WIPF2: variants seen among roughly 807,000 people sequenced by gnomAD.
The protein encoded by WIPF2 is WAS/WASL interacting protein family member 2.
WIPF2 carries 23 observed loss-of-function variants against 38.8 expected under a neutral mutation model. The observed-to-expected ratio is 0.59, with a 90% CI of 0.43 to 0.84. The LOEUF (loss-of-function observed/expected upper bound fraction) is 0.84, where lower values mean the gene tolerates loss of function less well. WIPF2 is among the 40% of genes least tolerant of loss of function. The pLI is 0.00. For missense variants in WIPF2, 574 were observed against 580.5 expected, an observed-to-expected ratio of 0.99 and a Z score of 0.11; for synonymous variants, 210 against 223.2, an observed-to-expected ratio of 0.94 and a Z score of 0.53.
At chr17:40,273,495 T>C (rs2032302462) in intron 5 of WIPF2, 1 of 380,882 alleles carries the variant, frequency 2.6e-6, no homozygotes, top group Non-Finnish European at 4.7e-6. Flanking sequence ...GAGAACAGGC[T>C]AAATATAAGG....
intron 1 of WIPF2, among the ~76,000 whole-genome samples, chr17:40,240,841 A>G (rs536761868): frequency 9.3e-5 from 14 of 151,034 alleles, no homozygotes; most frequent in South Asian, 2.1e-4. Context: ...GCTACTCGGG[A>G]GGCTGAGGCA....
At chr17:40,232,220 C>G (rs750674772) in intron 1 of WIPF2, among the ~76,000 whole-genome samples, 24 of 117,716 alleles carry the variant, frequency 2.0e-4, no homozygotes, top group Non-Finnish European at 3.7e-4. Flanking sequence ...GACAGGGTCT[C>G]GCTCTGTTGC....
At chr17:40,230,906 G>A (rs1337242052) in intron 1 of WIPF2, among the ~76,000 whole-genome samples, 1 of 152,092 alleles carries the variant, frequency 6.6e-6, no homozygotes, top group Non-Finnish European at 1.5e-5. Context: ...AAGTCTTGTT[G>A]GACACGCAAG....
intron 1 of WIPF2, among the ~76,000 whole-genome samples, chr17:40,224,273 C>G (rs2030383395): frequency 6.8e-6 from 1 of 147,584 alleles, no homozygotes; most frequent in South Asian, 2.2e-4. Context: ...ACTTTGTCCC[C>G]CAGGCTGGAG....
chr17:40,238,430 A>C (rs1308919741), intron 1 of WIPF2, among the ~76,000 whole-genome samples: 1 of 151,722 alleles, frequency 6.6e-6, no homozygotes, highest in African/African-American at 2.4e-5. Context: ...CAGCCTCCCA[A>C]ATAGCTGGGA....
chr17:40,239,831 G>T (rs775269112), intron 1 of WIPF2, among the ~76,000 whole-genome samples: 6 of 151,416 alleles, frequency 4.0e-5, no homozygotes, highest in Non-Finnish European at 7.4e-5. Context: ...CAAGTAGCTG[G>T]GATTACAAGT....
intron 1 of WIPF2, among the ~76,000 whole-genome samples, chr17:40,246,823 C>T (rs2031382067): frequency 6.6e-6 from 1 of 151,830 alleles, no homozygotes; most frequent in African/African-American, 2.4e-5. Flanking sequence ...CTTAAGAACT[C>T]ATTTGTTGGC....
chr17:40,260,762 G>A (rs1217761048), intron 3 of WIPF2, 95 bp downstream of exon 3: 1 of 1,541,192 alleles, frequency 6.5e-7, no homozygotes, highest in Non-Finnish European at 8.9e-7. Context: ...CCTTGAGTGG[G>A]AGAGTTTTGT....
At chr17:40,269,582 T>C (rs1472128440) in intron 5 of WIPF2, among the ~76,000 whole-genome samples, 1 of 150,552 alleles carries the variant, frequency 6.6e-6, no homozygotes, top group Non-Finnish European at 1.5e-5. Flanking sequence ...ATTTTTTCTT[T>C]GCAGAGTAAA....
intron 1 of WIPF2, among the ~76,000 whole-genome samples, chr17:40,227,260 C>G (rs1010863223): frequency 1.5e-4 from 22 of 151,396 alleles, no homozygotes; most frequent in African/African-American, 5.3e-4. Flanking sequence ...AGGCTGGTCT[C>G]AAACTCCTGA....
intron 6 of WIPF2, among the ~76,000 whole-genome samples, chr17:40,274,954 A>G (rs1414092052): frequency 6.7e-6 from 1 of 149,840 alleles, no homozygotes; most frequent in Non-Finnish European, 1.5e-5. Context: ...AAAAAAAAAA[A>G]GTCGGCTGGG....
intron 2 of WIPF2, among the ~76,000 whole-genome samples, chr17:40,258,109 G>A (rs1389973498): frequency 6.6e-6 from 1 of 152,118 alleles, no homozygotes; most frequent in Admixed American, 6.5e-5. Context: ...GATAAAAGCA[G>A]AGCTTGGCCG....
rs564426124 is a variant in WIPF2, at chr17:40,264,542, C to T, written c.366C>T (p.Ala122=). 2 of 1,614,088 alleles carry T rather than the reference C, an allele frequency of 1.2e-6. No individual in the cohort carries two copies. The highest frequency in any genetic ancestry group is 2.2e-5 in the South Asian group (2 of 91,078). ...AAATCCCCAGTTCTCGAGCTGCTGC[C>T]CCAAGGCCTCCAGTATCTGCCGCCA... The part of the protein sequence containing the change: ...ALQIPSSRAA[A]PRPPVSAASG... Residue 122 remains alanine, a synonymous_variant, in exon 5 of 8, where the codon GCC becomes GCT. Coordinates refer to ENST00000323571, the MANE Select transcript of WIPF2 (RefSeq NM_133264.5).
chr17:40,224,592 C>CA (rs1300963259), intron 1 of WIPF2, among the ~76,000 whole-genome samples: 1 of 151,662 alleles, frequency 6.6e-6, no homozygotes, highest in Non-Finnish European at 1.5e-5. Context: ...CCTATCCTGT[C>CA]ACAGTTTTCC....
chr17:40,265,422 C>T (rs991708297), intron 5 of WIPF2, among the ~76,000 whole-genome samples: 2 of 152,002 alleles, frequency 1.3e-5, no homozygotes, highest in African/African-American at 4.8e-5. Context: ...GGGCGGAGGT[C>T]GGGATGATGA....
chr17:40,262,486 G>A (rs2031943568), intron 3 of WIPF2, 39 bp from the exon 4 acceptor site: 1 of 1,517,360 alleles, frequency 6.6e-7, no homozygotes, highest in South Asian at 1.1e-5. Context: ...CACCAGCTGA[G>A]AGCATGTGAA....
In WIPF2 at chr17:40,275,067, C is replaced by G. The variant is rs570488021; in HGVS notation, c.1180+1068C>G. Among the ~76,000 whole-genome samples the G allele has an allele frequency of 1.9e-3, 288 of 151,802 alleles. 1 individual carries two copies. The highest frequency in any genetic ancestry group is 3.7e-3 in the South Asian group (18 of 4,804). On this transcript the variant is annotated intron_variant, in intron 6 of 7. Coordinates refer to ENST00000323571, the MANE Select transcript of WIPF2 (RefSeq NM_133264.5). ...CCAGCCTGGCTAACATAGTGAAACC[C>G]CATCTCTACTAAAAATATAAAAAAT... is the stretch of plus-strand genomic sequence containing the variant.
chr17:40,244,987 A>G (rs2031314745), intron 1 of WIPF2, among the ~76,000 whole-genome samples: 1 of 152,146 alleles, frequency 6.6e-6, no homozygotes, highest in Non-Finnish European at 1.5e-5. Context: ...TGAAGCCTGC[A>G]ACCCTATCCA....
At chr17:40,265,384 A>G (rs751010633) in intron 5 of WIPF2, among the ~76,000 whole-genome samples, 1 of 152,234 alleles carries the variant, frequency 6.6e-6, no homozygotes, top group Non-Finnish European at 1.5e-5. Flanking sequence ...GAGAATTACA[A>G]AGCAGAGGAG....
Sources: gnomAD v4.1 joint callset for allele counts (sites outside exome capture counted in the v4.1 genomes callset) on GRCh38, gnomAD v4.1.1 for gene constraint, MANE v1.5 for transcripts, NCBI Gene and HGNC (gene_info 2026-07-23, HGNC 2026-07-21) for gene names.